Variants in CNTNAP2 observed in about 807,000 individuals in gnomAD.
CNTNAP2 encodes contactin associated protein 2.
CNTNAP2 carries 98 observed loss-of-function variants against 155.2 expected under a neutral mutation model. The ratio of observed to expected loss-of-function variants is 0.63; its 90% CI spans 0.54 to 0.75. CNTNAP2 has a LOEUF of 0.75. Among genes scored for constraint, CNTNAP2 ranks in the 30% least tolerant of loss-of-function variants. The pLI, the probability that CNTNAP2 is intolerant of heterozygous loss-of-function variation, is 0.00. For synonymous variants in CNTNAP2, 651 were observed against 631.2 expected (o/e 1.03, Z -0.47); for missense variants, 1,727 against 1,688.1 (o/e 1.02, Z -0.40).
Position 147,717,937 on chromosome 7 carries a change from T to A in CNTNAP2, c.2098+78631T>A, listed in dbSNP as rs528117872. On this transcript the variant is annotated intron_variant, in intron 13 of 23. Coordinates refer to ENST00000361727, the MANE Select transcript of CNTNAP2 (RefSeq NM_014141.6). ...GCGCAAATAGCCTAATTTCCTCTGT[T>A]TTTTTTTTCTGAATTCACTCATATT... is the stretch of plus-strand genomic sequence containing the variant. Among the ~76,000 whole-genome samples, 3 of 151,606 alleles carry A rather than the reference T, an allele frequency of 2.0e-5. No individual in the cohort carries two copies. The East Asian group carries it at 5.8e-4, about 29-fold the overall frequency.
intron 13 of CNTNAP2, among the ~76,000 whole-genome samples, chr7:147,765,048 A>G (rs1353382819): frequency 2.6e-5 from 4 of 152,188 alleles, no homozygotes; most frequent in African/African-American, 9.7e-5. Context: ...TCATTTGTAC[A>G]TGGGTAAGTC....
chr7:146,968,259 G>T (rs1422344967), intron 3 of CNTNAP2, among the ~76,000 whole-genome samples: 2 of 152,068 alleles, frequency 1.3e-5, no homozygotes, highest in Admixed American at 1.3e-4. Flanking sequence ...AAGGATATTG[G>T]TCTAAAATTC....
At chr7:148,194,535 G>C (rs1433325885) in intron 18 of CNTNAP2, among the ~76,000 whole-genome samples, 2 of 152,198 alleles carry the variant, frequency 1.3e-5, no homozygotes, top group Non-Finnish European at 1.5e-5. Flanking sequence ...TTTATTATTG[G>C]AAGTGACTTA....
intron 14 of CNTNAP2, among the ~76,000 whole-genome samples, chr7:147,930,005 G>A (rs890732475): frequency 2.4e-4 from 37 of 152,120 alleles, no homozygotes; most frequent in African/African-American, 8.2e-4. Flanking sequence ...GAGCTCAGGC[G>A]GGAATGCTCA....
chr7:147,835,958 G>A (rs896344976), intron 13 of CNTNAP2, among the ~76,000 whole-genome samples: 4 of 152,210 alleles, frequency 2.6e-5, no homozygotes, highest in Admixed American at 2.0e-4. Context: ...AGGGAGTGCA[G>A]TCCTGCTGAG....
At chr7:146,993,032 C>T (rs2129239173) in intron 3 of CNTNAP2, among the ~76,000 whole-genome samples, 1 of 152,250 alleles carries the variant, frequency 6.6e-6, no homozygotes, top group East Asian at 1.9e-4. Flanking sequence ...TTCTTGCCTC[C>T]TCCAAAGAAA....
At chr7:146,735,693 G>GCATATATATACATATGCATATATATGTT (rs1801605043) in intron 1 of CNTNAP2, among the ~76,000 whole-genome samples, 1 of 151,994 alleles carries the variant, frequency 6.6e-6, no homozygotes, top group African/African-American at 2.4e-5. Context: ...ATATGTATGT[G>GCATATATATACATATGCATATATATGTT]CATATATATA....
intron 1 of CNTNAP2, among the ~76,000 whole-genome samples, chr7:146,484,800 A>T (rs1413991890): frequency 6.6e-6 from 1 of 152,168 alleles, no homozygotes; most frequent in South Asian, 2.1e-4. Context: ...ACCCCTTGCT[A>T]AAGATTCTTC....
intron 1 of CNTNAP2, among the ~76,000 whole-genome samples, chr7:146,411,846 A>ATTTTTTTT (rs754874287): frequency 1.4e-4 from 12 of 85,112 alleles, no homozygotes; most frequent in African/African-American, 3.6e-4. Flanking sequence ...TTATTTATTT[A>ATTTTTTTT]TTTTATTTGA....
chr7:146,864,233 AT>A (rs1364202456), intron 3 of CNTNAP2, among the ~76,000 whole-genome samples: 1 of 152,112 alleles, frequency 6.6e-6, no homozygotes, highest in Non-Finnish European at 1.5e-5. Flanking sequence ...AAATCCAATA[AT>A]TTTTATATAA....
intron 3 of CNTNAP2, among the ~76,000 whole-genome samples, chr7:146,962,494 A>G (rs1276566427): frequency 6.6e-6 from 1 of 152,222 alleles, no homozygotes; most frequent in Non-Finnish European, 1.5e-5. Context: ...AAAATATGAC[A>G]TTGAACTAAG....
chr7:147,743,315 A>G (rs543910975), intron 13 of CNTNAP2, among the ~76,000 whole-genome samples: 1 of 152,324 alleles, frequency 6.6e-6, no homozygotes, highest in East Asian at 1.9e-4. Flanking sequence ...ATAGGTGGCT[A>G]TCACTGAGTG....
intron 21 of CNTNAP2, among the ~76,000 whole-genome samples, chr7:148,368,782 G>A (rs1350276424): frequency 6.6e-6 from 1 of 152,176 alleles, no homozygotes; most frequent in African/African-American, 2.4e-5. Flanking sequence ...CAGGGGGTAT[G>A]TGACAGGGGC....
intron 3 of CNTNAP2, among the ~76,000 whole-genome samples, chr7:146,969,681 C>A (rs1240596307): frequency 1.3e-5 from 2 of 152,054 alleles, no homozygotes; most frequent in African/African-American, 2.4e-5. Context: ...CTTCCTCCAT[C>A]CTTTTATTTT....
chr7:147,188,000 G>A (rs1802602612), intron 8 of CNTNAP2, among the ~76,000 whole-genome samples: 1 of 152,132 alleles, frequency 6.6e-6, no homozygotes, highest in Admixed American at 6.5e-5. Context: ...GGTGTAGGTT[G>A]CAGTGAGCTG....
chr7:147,086,334 A>T (rs961875806), intron 4 of CNTNAP2, among the ~76,000 whole-genome samples: 1 of 152,170 alleles, frequency 6.6e-6, no homozygotes, highest in Non-Finnish European at 1.5e-5. Context: ...AAAGTATAAA[A>T]ATAGCAACAT....
intron 4 of CNTNAP2, among the ~76,000 whole-genome samples, chr7:147,070,346 G>C (rs1047185033): frequency 7.2e-5 from 11 of 152,206 alleles, no homozygotes; most frequent in African/African-American, 2.4e-4. Context: ...CACATTGCCT[G>C]TCGGGGAAAA....
chr7:148,225,750 C>T (rs972824606), intron 19 of CNTNAP2, among the ~76,000 whole-genome samples: 11 of 151,946 alleles, frequency 7.2e-5, no homozygotes, highest in Non-Finnish European at 1.2e-4. Context: ...ATGGAGATGG[C>T]GACAAGTGGT....
intron 3 of CNTNAP2, among the ~76,000 whole-genome samples, chr7:146,877,609 C>CA (rs1795455667): frequency 1.4e-5 from 2 of 143,072 alleles, no homozygotes; most frequent in Admixed American, 7.1e-5. Context: ...TGTGTGTATA[C>CA]TATATATGTG....
Sources: gnomAD v4.1 joint callset for allele counts (sites outside exome capture counted in the v4.1 genomes callset) on GRCh38, gnomAD v4.1.1 for gene constraint, MANE v1.5 for transcripts, NCBI Gene and HGNC (gene_info 2026-07-23, HGNC 2026-07-21) for gene names.